The following NOL10 variants were observed in gnomAD, a reference collection of about 807,000 sequenced individuals.
NOL10 encodes nucleolar protein 10.
In NOL10, 58 loss-of-function variants were observed where a neutral mutation model predicts 103.5. That is an observed-to-expected ratio of 0.56 (90% confidence interval 0.45 to 0.70). NOL10 has a LOEUF of 0.70. Ranked by LOEUF, NOL10 falls within the 30% of genes least tolerant of loss-of-function variation. The pLI, the probability that NOL10 is intolerant of heterozygous loss-of-function variation, is 0.00. For synonymous variants in NOL10, 287 were observed against 282.5 expected (o/e 1.02, Z -0.16); for missense variants, 763 against 807.3 (o/e 0.95, Z 0.67).
At chr2:10,634,501 C>T (rs1193959414) in intron 13 of NOL10, 1 of 456,578 alleles carries the variant, frequency 2.2e-6, no homozygotes, top group Non-Finnish European at 4.4e-6. Flanking sequence ...TATTAGACAT[C>T]CAAGTGGAGA....
chr2:10,603,423 C>T (rs747351807), intron 14 of NOL10, among the ~76,000 whole-genome samples: 6 of 152,126 alleles, frequency 3.9e-5, no homozygotes, highest in Non-Finnish European at 4.4e-5. Context: ...CCCTTATACC[C>T]TCTGAGTGGT....
At chr2:10,684,436 A>G in intron 2 of NOL10, 131 bp downstream of exon 2, 2 of 734,744 alleles carry the variant, frequency 2.7e-6, no homozygotes, top group East Asian at 2.8e-5. Context: ...AAGAAAAGGG[A>G]CAAGAGCATT....
chr2:10,639,246 T>C (rs976573834), intron 13 of NOL10, among the ~76,000 whole-genome samples: 1 of 151,956 alleles, frequency 6.6e-6, no homozygotes, highest in Non-Finnish European at 1.5e-5. Flanking sequence ...CACAGTGAAA[T>C]CCCGTCTCTA....
intron 13 of NOL10, among the ~76,000 whole-genome samples, chr2:10,619,024 T>C (rs1273689074): frequency 2.0e-5 from 3 of 152,210 alleles, no homozygotes; most frequent in Admixed American, 6.5e-5. Context: ...TTTATAAACT[T>C]TGAACTTAAG....
chr2:10,683,618 G>C (rs1233836466), intron 2 of NOL10, among the ~76,000 whole-genome samples: 2 of 152,176 alleles, frequency 1.3e-5, no homozygotes, highest in Non-Finnish European at 2.9e-5. Context: ...ACACTGCTGA[G>C]AACCTTGATA....
chr2:10,630,535 AC>A (rs946537581), intron 13 of NOL10, among the ~76,000 whole-genome samples: 12 of 152,004 alleles, frequency 7.9e-5, no homozygotes, highest in African/African-American at 2.9e-4. Flanking sequence ...ACACAGTGAA[AC>A]CCCGTCTCTA....
At chr2:10,677,871 G>GTATA (rs759421280) in intron 3 of NOL10, among the ~76,000 whole-genome samples, 9 of 146,010 alleles carry the variant, frequency 6.2e-5, no homozygotes, top group East Asian at 2.0e-4. Flanking sequence ...GTGTGTGTGT[G>GTATA]TATACACATA....
intron 17 of NOL10, among the ~76,000 whole-genome samples, chr2:10,593,410 T>A (rs1025142323): frequency 3.3e-5 from 5 of 152,168 alleles, no homozygotes. Flanking sequence ...GTGCTGGGAT[T>A]ACAGGCGTGA....
intron 3 of NOL10, among the ~76,000 whole-genome samples, chr2:10,676,444 T>A (rs1681311138): frequency 6.6e-6 from 1 of 152,080 alleles, no homozygotes; most frequent in South Asian, 2.1e-4. Flanking sequence ...TAAATGACAA[T>A]AAATCCACAC....
chr2:10,614,031 C>A (rs1185154532), intron 13 of NOL10, among the ~76,000 whole-genome samples: 1 of 151,696 alleles, frequency 6.6e-6, no homozygotes. Context: ...ACGATCTCAG[C>A]TCACTGCAAC....
At chr2:10,650,501 T>C (rs1306023297) in intron 12 of NOL10, among the ~76,000 whole-genome samples, 1 of 152,182 alleles carries the variant, frequency 6.6e-6, no homozygotes, top group Non-Finnish European at 1.5e-5. Flanking sequence ...TTTGGGCGTT[T>C]TTCCCAGAGA....
intron 8 of NOL10, among the ~76,000 whole-genome samples, chr2:10,663,750 C>T (rs898984360): frequency 6.6e-6 from 1 of 151,852 alleles, no homozygotes; most frequent in Non-Finnish European, 1.5e-5. Context: ...GAGATCGAGA[C>T]CATCCTGGCT....
chr2:10,608,991 A>G (rs1676401885), intron 13 of NOL10, among the ~76,000 whole-genome samples: 1 of 152,174 alleles, frequency 6.6e-6, no homozygotes, highest in South Asian at 2.1e-4. Context: ...CATTTTTAAA[A>G]AATTCCATAT....
At chr2:10,614,859 C>T (rs986074057) in intron 13 of NOL10, among the ~76,000 whole-genome samples, 1 of 152,174 alleles carries the variant, frequency 6.6e-6, no homozygotes, top group African/African-American at 2.4e-5. Context: ...ATTACCTAGC[C>T]TGCATCTCCT....
chr2:10,602,904 A>G (rs777445081), intron 15 of NOL10, 30 bp from the exon 16 acceptor site: 2 of 1,486,616 alleles, frequency 1.3e-6, no homozygotes, highest in South Asian at 1.2e-5. Context: ...TTTTTAAAAT[A>G]AAAGAATGGT....
At chr2:10,671,996 C>A (rs1312256979) in intron 5 of NOL10, among the ~76,000 whole-genome samples, 1 of 152,162 alleles carries the variant, frequency 6.6e-6, no homozygotes, top group East Asian at 1.9e-4. Flanking sequence ...CTCATGGTAC[C>A]CTCAATGATC....
At chr2:10,586,664 C>A (rs1675035439) in intron 19 of NOL10, among the ~76,000 whole-genome samples, 1 of 152,060 alleles carries the variant, frequency 6.6e-6, no homozygotes, top group Admixed American at 6.5e-5. Context: ...AAGACCAATC[C>A]CTCCTCTTCT....
intron 19 of NOL10, among the ~76,000 whole-genome samples, chr2:10,588,270 A>G (rs1030634753): frequency 2.6e-5 from 4 of 152,210 alleles, no homozygotes; most frequent in Non-Finnish European, 5.9e-5. Flanking sequence ...ATTTTTAAGT[A>G]GACAGTTCAG....
At chr2:10,633,790 T>C (rs2148251300) in intron 13 of NOL10, among the ~76,000 whole-genome samples, 1 of 126,042 alleles carries the variant, frequency 7.9e-6, no homozygotes, top group Non-Finnish European at 1.7e-5. Context: ...TTTGTTTATA[T>C]GTATGTGTGT....
Sources: allele counts gnomAD v4.1 joint callset (sites outside exome capture counted in the v4.1 genomes callset), GRCh38; gene constraint gnomAD v4.1.1; transcripts MANE v1.5; gene names NCBI Gene and HGNC (gene_info 2026-07-23, HGNC 2026-07-21).